Variants in CLYBL observed in about 807,000 individuals in gnomAD.
CLYBL encodes the protein citramalyl-CoA lyase.
A neutral mutation model predicts 38.9 loss-of-function variants in CLYBL; 31 were observed. The observed-to-expected ratio is 0.80, with a 90% CI of 0.60 to 1.08. The LOEUF (loss-of-function observed/expected upper bound fraction) is 1.08. CLYBL is among the 50% of genes least tolerant of loss of function. CLYBL has a pLI of 0.00. For synonymous variants in CLYBL, 171 were observed against 158.6 expected (o/e 1.08, Z -0.59); for missense variants, 434 against 411.6 (o/e 1.05, Z -0.47).
chr13:99,866,341 A>C lies in CLYBL; in HGVS notation c.736A>C (p.Ile246Leu), dbSNP rs750444975. 6.2e-7 allele frequency: 1 copy of C among 1,614,178 alleles called. No homozygotes were observed. The highest frequency in any genetic ancestry group is 1.1e-5 in the South Asian group (1 of 91,084). Residue 246 changes from isoleucine to leucine, a missense_variant, in exon 6 of 9, where the codon ATT (isoleucine) becomes CTT (leucine). Physicochemically the swap from Ile to Leu is conservative, Grantham distance 5 (BLOSUM62 2). Coordinates refer to ENST00000339105, the MANE Select transcript of CLYBL (RefSeq NM_206808.5). Reference sequence around the variant, plus strand: ...TCTCCAAGCCATAGATCTGGTGTACATTGACTTTCGAGATGGAGCTGGGCT... The same window carrying C: ...TCTCCAAGCCATAGATCTGGTGTACCTTGACTTTCGAGATGGAGCTGGGCT... ...FGLQAIDLVY[I>L]DFRDGAGLLR...
chr13:99,824,246 T>C (rs1004809572), intron 2 of CLYBL, among the ~76,000 whole-genome samples: 1 of 145,898 alleles, frequency 6.9e-6, no homozygotes, highest in Non-Finnish European at 1.5e-5. Flanking sequence ...TTGAAAGCCT[T>C]CTGACTAATA....
intron 1 of CLYBL, among the ~76,000 whole-genome samples, chr13:99,732,812 G>C (rs530128535): frequency 6.6e-6 from 1 of 152,178 alleles, no homozygotes; most frequent in African/African-American, 2.4e-5. Flanking sequence ...TTGACCCAAA[G>C]ATATTTAAAA....
intron 2 of CLYBL, among the ~76,000 whole-genome samples, chr13:99,789,302 T>C (rs1040560166): frequency 1.3e-5 from 2 of 152,240 alleles, no homozygotes; most frequent in African/African-American, 4.8e-5. Context: ...GGTGTCAATT[T>C]TAGATCTTTC....
At chr13:99,776,020 T>C (rs893995058) in intron 2 of CLYBL, among the ~76,000 whole-genome samples, 5 of 151,448 alleles carry the variant, frequency 3.3e-5, no homozygotes, top group East Asian at 3.9e-4. Context: ...AAAAATTAGC[T>C]GGGCGTGGTG....
intron 7 of CLYBL, among the ~76,000 whole-genome samples, chr13:99,887,933 G>A (rs2052391719): frequency 6.6e-6 from 1 of 151,682 alleles, no homozygotes; most frequent in Non-Finnish European, 1.5e-5. Flanking sequence ...TCAGCTCACT[G>A]CAACCTCTGC....
intron 1 of CLYBL, among the ~76,000 whole-genome samples, chr13:99,705,297 T>C (rs1292298433): frequency 6.6e-6 from 1 of 152,010 alleles, no homozygotes; most frequent in Non-Finnish European, 1.5e-5. Context: ...AGAATGAAAT[T>C]CTACCAGTCA....
downstream of CLYBL, among the ~76,000 whole-genome samples, chr13:99,899,242 C>A (rs2052615984): frequency 1.3e-5 from 2 of 152,184 alleles, no homozygotes; most frequent in South Asian, 4.1e-4. Context: ...TGCCCAAGAC[C>A]CTTCCAGGGC....
rs200303198 is a variant in CLYBL, at chr13:99,840,872, CAT to C, written c.250-17986_250-17985del. ...ACCAAGGTAGTGTTTGTTGCCCAAA[CAT>C]ATTAAATATGGCTTATGAAGTCAGC... On this transcript the variant is annotated intron_variant, in intron 2 of 8. Coordinates refer to ENST00000339105, the MANE Select transcript of CLYBL (RefSeq NM_206808.5). Among the ~76,000 whole-genome samples, 573 of 146,758 alleles carry C rather than the reference CAT, an allele frequency of 3.9e-3. 5 individuals carry two copies. The highest frequency in any genetic ancestry group is 0.014 in the African/African-American group (546 of 39,966).
intron 7 of CLYBL, among the ~76,000 whole-genome samples, chr13:99,888,948 G>A (rs372160764): frequency 1.1e-4 from 17 of 152,196 alleles, no homozygotes; most frequent in African/African-American, 3.9e-4. Context: ...GGATATTCAC[G>A]CTAGGCAGTC....
chr13:99,707,825 T>C (rs552535711), intron 1 of CLYBL, among the ~76,000 whole-genome samples: 2 of 152,286 alleles, frequency 1.3e-5, no homozygotes, highest in African/African-American at 4.8e-5. Context: ...ATTTCAGAAT[T>C]GTTTCATTAG....
chr13:99,787,144 T>G (rs2049813104), intron 2 of CLYBL, among the ~76,000 whole-genome samples: 1 of 152,186 alleles, frequency 6.6e-6, no homozygotes, highest in Non-Finnish European at 1.5e-5. Context: ...TTTCTCCCAT[T>G]CTGTAGGTTG....
intron 8 of CLYBL, among the ~76,000 whole-genome samples, chr13:99,903,359 CAA>C (rs1406832264): frequency 1.3e-5 from 2 of 152,124 alleles, no homozygotes; most frequent in African/African-American, 4.8e-5. Flanking sequence ...AGGCTCATTG[CAA>C]ACACACTGGC....
chr13:99,725,292 G>T (rs1379456974), intron 1 of CLYBL, among the ~76,000 whole-genome samples: 2 of 152,132 alleles, frequency 1.3e-5, no homozygotes, highest in Non-Finnish European at 2.9e-5. Context: ...ATACCGTGCG[G>T]TTTTTTTAAG....
chr13:99,855,783 A>C (rs1370339925), intron 2 of CLYBL, among the ~76,000 whole-genome samples: 1 of 152,096 alleles, frequency 6.6e-6, no homozygotes, highest in Non-Finnish European at 1.5e-5. Context: ...GAAAATACCA[A>C]AAAGAAAAAA....
intron 1 of CLYBL, among the ~76,000 whole-genome samples, chr13:99,756,364 A>T (rs2049063205): frequency 6.6e-6 from 1 of 152,186 alleles, no homozygotes; most frequent in Non-Finnish European, 1.5e-5. Flanking sequence ...TACAACCCTT[A>T]ATGCAGAGAT....
chr13:99,674,579 G>GA (rs2047616243), intron 1 of CLYBL, among the ~76,000 whole-genome samples: 1 of 152,104 alleles, frequency 6.6e-6, no homozygotes. Flanking sequence ...GGTGACTTAG[G>GA]AATGGACACA....
intron 1 of CLYBL, among the ~76,000 whole-genome samples, chr13:99,663,706 G>A (rs2047440983): frequency 1.3e-5 from 2 of 152,196 alleles, no homozygotes; most frequent in South Asian, 4.1e-4. Flanking sequence ...AAGAGAGCTT[G>A]TCACCTTTGT....
At chr13:99,658,923 T>G (rs892981431) in intron 1 of CLYBL, among the ~76,000 whole-genome samples, 1 of 152,210 alleles carries the variant, frequency 6.6e-6, no homozygotes, top group Admixed American at 6.5e-5. Context: ...TTGATGCTGC[T>G]GTTTCCTAAT....
chr13:99,774,067 C>CA (rs11453486), intron 2 of CLYBL, among the ~76,000 whole-genome samples: 5,586 of 143,300 alleles, frequency 0.039, 151 homozygotes, highest in South Asian at 0.075. Context: ...CCATTTCTAC[C>CA]AAAAAAAAAA....
Sources: gnomAD v4.1 joint callset for allele counts (sites outside exome capture counted in the v4.1 genomes callset) on GRCh38, gnomAD v4.1.1 for gene constraint, MANE v1.5 for transcripts, NCBI Gene and HGNC (gene_info 2026-07-23, HGNC 2026-07-21) for gene names.